The following SRD5A2 variants were observed in gnomAD, a reference collection of about 807,000 sequenced individuals.
SRD5A2 encodes 3-oxo-5-alpha-steroid 4-dehydrogenase 2.
In SRD5A2, 30 loss-of-function variants were observed where a neutral mutation model predicts 27.4. That is an observed-to-expected ratio of 1.10 (90% CI 0.82 to 1.49). The LOEUF (loss-of-function observed/expected upper bound fraction) is 1.49, where lower values mean the gene tolerates loss of function less well. Ranked by LOEUF, SRD5A2 falls within the 40% of genes most tolerant of loss-of-function variation. SRD5A2 has a pLI of 0.00. For synonymous variants in SRD5A2, 141 were observed against 133.6 expected, an observed-to-expected ratio of 1.06 and a Z score of -0.38; for missense variants, 348 against 323.4, an observed-to-expected ratio of 1.08 and a Z score of -0.58.
At chr2:31,618,121 G>C in the SRD5A2 span, among the ~76,000 whole-genome samples, 1 of 152,128 alleles carries the variant, frequency 6.6e-6, no homozygotes, top group African/African-American at 2.4e-5. Context: ...AACAGAGTAA[G>C]GTGTTACATG....
At chr2:31,590,122 T>G in the SRD5A2 span, among the ~76,000 whole-genome samples, 105,253 of 150,304 alleles carry the variant, frequency 0.7, 37,191 homozygotes, top group Middle Eastern at 0.73. Flanking sequence ...CCTGCCCAAG[T>G]AGCATCAGAC....
chr2:31,544,872 C>T (rs1031692473), intron 1 of SRD5A2, among the ~76,000 whole-genome samples: 2 of 151,734 alleles, frequency 1.3e-5, no homozygotes, highest in African/African-American at 4.8e-5. Context: ...TGGGACATTA[C>T]TACTTATTCT....
At chr2:31,603,753 T>C in the SRD5A2 span, among the ~76,000 whole-genome samples, 1 of 151,926 alleles carries the variant, frequency 6.6e-6, no homozygotes, top group South Asian at 2.1e-4. Context: ...AGGACATGAA[T>C]GGAGCTGGAA....
the SRD5A2 span, among the ~76,000 whole-genome samples, chr2:31,592,252 C>T: frequency 1.3e-5 from 2 of 152,010 alleles, no homozygotes; most frequent in Non-Finnish European, 2.9e-5. Context: ...CAACTCAAGC[C>T]ATTACAGCAA....
chr2:31,602,718 C>T, the SRD5A2 span, among the ~76,000 whole-genome samples: 16 of 152,062 alleles, frequency 1.1e-4, no homozygotes, highest in African/African-American at 3.6e-4. Context: ...ATACATGGAA[C>T]AACCGAACAG....
At chr2:31,636,402 T>A in the SRD5A2 span, among the ~76,000 whole-genome samples, 1 of 152,014 alleles carries the variant, frequency 6.6e-6, no homozygotes, top group Non-Finnish European at 1.5e-5. Context: ...CTTTACTGAA[T>A]TATGAACAAC....
At chr2:31,552,970 T>C (rs930633866) in intron 1 of SRD5A2, among the ~76,000 whole-genome samples, 4 of 152,112 alleles carry the variant, frequency 2.6e-5, no homozygotes, top group Non-Finnish European at 5.9e-5. Context: ...GAATTCAAAA[T>C]ACTTATCATA....
the SRD5A2 span, among the ~76,000 whole-genome samples, chr2:31,588,154 T>C: frequency 3.3e-5 from 5 of 152,118 alleles, no homozygotes; most frequent in Non-Finnish European, 7.3e-5. Context: ...CTAAGAGTTA[T>C]TGGTCTAAAG....
At chr2:31,600,536 G>A in the SRD5A2 span, among the ~76,000 whole-genome samples, 1 of 151,924 alleles carries the variant, frequency 6.6e-6, no homozygotes, top group Middle Eastern at 3.2e-3. Context: ...ATTCTGACTG[G>A]TGTGAGATGG....
chr2:31,597,311 C>A, the SRD5A2 span, among the ~76,000 whole-genome samples: 1 of 151,860 alleles, frequency 6.6e-6, no homozygotes. Context: ...TCACCTAATA[C>A]AAATTCAACT....
chr2:31,562,592 G>A (rs1666646591), intron 1 of SRD5A2, among the ~76,000 whole-genome samples: 1 of 152,090 alleles, frequency 6.6e-6, no homozygotes, highest in South Asian at 2.1e-4. Flanking sequence ...CCATAAATTT[G>A]AGAACTTTTA....
intron 1 of SRD5A2, among the ~76,000 whole-genome samples, chr2:31,577,350 G>T (rs1183696828): frequency 1.3e-5 from 2 of 151,878 alleles, no homozygotes; most frequent in Non-Finnish European, 2.9e-5. Context: ...CAGCAATTAT[G>T]ATTCCCAAGT....
chr2:31,583,779 C>A (rs1572377270), upstream of SRD5A2, among the ~76,000 whole-genome samples: 1 of 151,424 alleles, frequency 6.6e-6, no homozygotes, highest in African/African-American at 2.4e-5. Flanking sequence ...AATGTGGTAA[C>A]ATATGCAGAC....
At chr2:31,549,299 A>G (rs967726243) in intron 1 of SRD5A2, among the ~76,000 whole-genome samples, 11 of 151,680 alleles carry the variant, frequency 7.3e-5, no homozygotes, top group African/African-American at 2.7e-4. Flanking sequence ...TTTTTAGTAG[A>G]GAGGGGGTTT....
At chr2:31,627,433 G>GTGT in the SRD5A2 span, among the ~76,000 whole-genome samples, 5,083 of 149,764 alleles carry the variant, frequency 0.034, 179 homozygotes, top group African/African-American at 0.092. Flanking sequence ...TTTGTACGGG[G>GTGT]GTGTGTGTGT....
At chr2:31,609,889 G>C in the SRD5A2 span, among the ~76,000 whole-genome samples, 4 of 151,934 alleles carry the variant, frequency 2.6e-5, no homozygotes, top group Non-Finnish European at 5.9e-5. Flanking sequence ...ATAATGAAGA[G>C]ATAAATAGCC....
In SRD5A2 at chr2:31,551,019, T is replaced by C. The variant is rs180843344; in HGVS notation, c.282-17253A>G. On this transcript the variant is annotated intron_variant, in intron 1 of 4. Transcript: ENST00000622030. ...ACTTCTAATAGATTATTTCAGTGAA[T>C]TTGCAGGATACAAAATACACAATTA... Among the ~76,000 whole-genome samples, 226 of 152,130 alleles carry C rather than the reference T, an allele frequency of 1.5e-3. 1 individual carries two copies. Among genetic ancestry groups the C allele is most frequent in the African/African-American group, 4.9e-3 (204 of 41,558 alleles).
the SRD5A2 span, among the ~76,000 whole-genome samples, chr2:31,654,439 T>C: frequency 6.6e-5 from 10 of 151,972 alleles, no homozygotes; most frequent in African/African-American, 2.2e-4. Flanking sequence ...GTTGTCAGAG[T>C]AGGAAGCTAT....
At chr2:31,529,502 T>C in intron 3 of SRD5A2, 45 bp from the exon 4 acceptor site, 1 of 1,602,270 alleles carries the variant, frequency 6.2e-7, no homozygotes, top group East Asian at 2.2e-5. Context: ...AACTGAATCA[T>C]TTTGACATTA....
Sources: allele counts gnomAD v4.1 joint callset (sites outside exome capture counted in the v4.1 genomes callset), GRCh38; gene constraint gnomAD v4.1.1; transcripts MANE v1.5; gene names NCBI Gene and HGNC (gene_info 2026-07-23, HGNC 2026-07-21).